Variants in C3 observed in about 807,000 individuals in gnomAD.
The protein encoded by C3 is C3 and PZP-like alpha-2-macroglobulin domain-containing protein 1.
A neutral mutation model predicts 207.9 loss-of-function variants in C3; 97 were observed. The ratio of observed to expected loss-of-function variants is 0.47; its 90% CI spans 0.40 to 0.55. The LOEUF is 0.55. C3 is among the 20% of genes least tolerant of loss of function. C3 has a pLI of 0.00. For synonymous variants in C3, 848 were observed against 857.6 expected, an observed-to-expected ratio of 0.99 and a Z score of 0.20; for missense variants, 1,684 against 2,171.7, an observed-to-expected ratio of 0.78 and a Z score of 4.46.
intron 26 of C3, among the ~76,000 whole-genome samples, chr19:6,692,658 C>T (rs1031545032): frequency 2.0e-5 from 3 of 152,146 alleles, no homozygotes; most frequent in Non-Finnish European, 2.9e-5. Context: ...AGGCAGGACC[C>T]CTGCACTTGG....
intron 17 of C3, among the ~76,000 whole-genome samples, chr19:6,704,746 G>A (rs1252583918): frequency 1.3e-5 from 2 of 151,802 alleles, no homozygotes; most frequent in African/African-American, 2.4e-5. Context: ...GTGACAGAGC[G>A]AGACTCCATC....
rs974108025 is a variant in C3, at chr19:6,719,089, T to A, written c.267+122A>T. On this transcript the variant is annotated intron_variant, in intron 2 of 40. Transcript: ENST00000245907. This position sits in a 1 kb window ranked among gnomAD's most constrained non-coding sequence, Gnocchi z 5.4. ...AGAAGGAGAGGCGACTCCGAAGGGG[T>A]GGAGTCTCAGGGAAGGGCAGGGCTT... The A allele has an allele frequency of 2.5e-6, 2 of 798,364 alleles. No homozygotes were observed. Among genetic ancestry groups the A allele is most frequent in the Admixed American group, 2.1e-5 (1 of 47,218 alleles). The allele number at this position is 798,364 out of a possible 1,614,324, so 49.5% of individuals were successfully genotyped here.
intron 17 of C3, among the ~76,000 whole-genome samples, chr19:6,706,027 C>T (rs79498579): frequency 5.9e-5 from 9 of 152,178 alleles, no homozygotes; most frequent in African/African-American, 2.2e-4. Context: ...AGACTTATTT[C>T]ACGTGAGATC....
rs1599494997 is a variant in C3, at chr19:6,677,736, G to A, written c.*146C>T. 6 of 993,998 alleles carry A rather than the reference G, an allele frequency of 6.0e-6. No individual in the cohort carries two copies. The East Asian group carries it at 1.3e-4, about 21-fold the overall frequency. The allele number at this position is 993,998 out of a possible 1,614,324, so 61.6% of individuals were successfully genotyped here. A position where few individuals can be genotyped will look rare whatever the true frequency, so the allele number is the denominator to read the frequency against. On this transcript the variant is annotated 3_prime_UTR_variant, in exon 41 of 41. Transcript: ENST00000245907. ...GCAGGCGAACGCCAGGAGAAAATGCGGTGGGAACAGGTGAGGTTTCAAGTA... is the reference window on the plus strand; with the variant it reads ...GCAGGCGAACGCCAGGAGAAAATGCAGTGGGAACAGGTGAGGTTTCAAGTA...
At chr19:6,701,624 A>G (rs392690) in intron 19 of C3, among the ~76,000 whole-genome samples, 100,199 of 151,976 alleles carry the variant, frequency 0.66, 33,388 homozygotes, top group East Asian at 0.84. Context: ...GGGTTCAACC[A>G]AATCTCCTGC....
chr19:6,710,779 C>T lies in C3; in HGVS notation c.1546G>A (p.Val516Met). The T allele has an allele frequency of 6.2e-7, 1 of 1,613,894 alleles. No individual in the cohort carries two copies. The change falls in exon 13 of 41, where the codon GTG (valine) becomes ATG (methionine). Residue 516 changes from valine to methionine, a missense_variant. This residue lies in a region of C3 where 1,280 missense variants were observed against 1,739.1 expected (regional missense o/e 0.74). Coordinates refer to ENST00000245907, the MANE Select transcript of C3 (RefSeq NM_000064.4). ...QVREPGQDLV[V>M]LPLSITTDFI... The stretch of plus-strand genomic sequence containing the variant: ...TCGGTGGTGATGGACAGGGGCAGCA[C>T]CACCAGGTCCTGGCCGGGCTCTCGC...
At chr19:6,720,017 C>A (rs1224016441) in intron 1 of C3, among the ~76,000 whole-genome samples, 1 of 152,166 alleles carries the variant, frequency 6.6e-6, no homozygotes, top group African/African-American at 2.4e-5. Flanking sequence ...AGTCCCCAAG[C>A]TGCAAACTCC....
chr19:6,689,323 A>T lies in C3; in HGVS notation c.3489+1306T>A, dbSNP rs113355813. Among the ~76,000 whole-genome samples, 19 of 31,034 alleles carry T rather than the reference A, an allele frequency of 6.1e-4. No homozygotes were observed. The East Asian group carries it at 7.4e-3, about 12-fold the overall frequency. The allele number at this position is 31,034 out of a possible 152,430, so 20.4% of individuals were successfully genotyped here. A position where few individuals can be genotyped will look rare whatever the true frequency, so the allele number is the denominator to read the frequency against. On this transcript the variant is annotated intron_variant, in intron 27 of 40. Transcript: ENST00000245907. ...CCTCTCTCTCTCTCTCTCTCTCTCT[A>T]CCTACCTCCCTCCCTCCCTCCCTCC...
intron 17 of C3, 168 bp from the exon 18 acceptor site, chr19:6,702,747 A>C: frequency 1.6e-6 from 1 of 621,330 alleles, no homozygotes; most frequent in Non-Finnish European, 3.0e-6. Context: ...AAATACAAAA[A>C]TTAAGGCTGG....
chr19:6,720,337 C>T (rs551882176), intron 1 of C3, among the ~76,000 whole-genome samples, 179 bp downstream of exon 1: 1 of 151,762 alleles, frequency 6.6e-6, no homozygotes, highest in Admixed American at 6.6e-5. Flanking sequence ...CCACAAACAC[C>T]CAACCACAAA....
intron 33 of C3, among the ~76,000 whole-genome samples, chr19:6,684,040 A>G (rs1917934578): frequency 6.6e-6 from 1 of 152,230 alleles, no homozygotes; most frequent in Admixed American, 6.5e-5. Flanking sequence ...TTGAGGTTAC[A>G]GTGAGCTATG....
At chr19:6,682,076 C>G (rs753899226) in intron 34 of C3, 46 bp from the exon 35 acceptor site, 1 of 1,603,218 alleles carries the variant, frequency 6.2e-7, no homozygotes, top group Admixed American at 1.7e-5. Context: ...GGACCCCTCT[C>G]TCCCTGCAGC....
chr19:6,679,400 A>T lies in C3; in HGVS notation c.4546+7T>A. On this transcript the variant is annotated splice_region_variant and intron_variant, in intron 37 of 40. Coordinates refer to ENST00000245907, the MANE Select transcript of C3 (RefSeq NM_000064.4). ...GACCCACCTGTTCCCGGCTCCAGGG[A>T]ACTCACCCTCAGCACAGCGGCACAG... is the stretch of plus-strand genomic sequence containing the variant. The T allele has an allele frequency of 6.2e-7, 1 of 1,609,752 alleles. No individual in the cohort carries two copies.
chr19:6,713,270 G>A lies in C3; in HGVS notation c.922C>T (p.Leu308=), dbSNP rs766965984. Residue 308 remains leucine (L), a synonymous_variant, in exon 9 of 41, where the codon CTG becomes TTG. Coordinates refer to ENST00000245907, the MANE Select transcript of C3 (RefSeq NM_000064.4). The part of the protein sequence containing the change: ...GEVVLSRKVL[L]DGVQNPRAED... ...GCTCGGGGGTTCTGCACCCCGTCCA[G>A]CAGTACCTTCCGGCTCAGCACAACC... is the stretch of plus-strand genomic sequence containing the variant. The A allele has an allele frequency of 6.2e-7, 1 of 1,613,728 alleles. No individual in the cohort carries two copies. The highest frequency in any genetic ancestry group is 1.1e-5 in the South Asian group (1 of 91,080).
intron 26 of C3, among the ~76,000 whole-genome samples, chr19:6,692,072 T>C (rs937195571): frequency 6.6e-6 from 1 of 151,812 alleles, no homozygotes; most frequent in Non-Finnish European, 1.5e-5. Context: ...GCCCCTAGAA[T>C]TTCTGATTCA....
At chr19:6,714,482 T>A (rs1422613763) in intron 4 of C3, 36 bp from the exon 5 acceptor site, 6 of 1,505,056 alleles carry the variant, frequency 4.0e-6, no homozygotes, top group South Asian at 2.3e-5. Flanking sequence ...GAGGATAAAG[T>A]GGCTCTTCGG....
intron 26 of C3, among the ~76,000 whole-genome samples, chr19:6,691,122 C>T (rs995472427): frequency 3.4e-5 from 5 of 148,476 alleles, no homozygotes; most frequent in Middle Eastern, 3.2e-3. Context: ...GGCGCAATCT[C>T]GACTCCCTGC....
At chr19:6,689,356 CCTCCCTCTCTCTCT>C (rs1274357442) in intron 27 of C3, among the ~76,000 whole-genome samples, 1 of 47,176 alleles carries the variant, frequency 2.1e-5, no homozygotes, top group Non-Finnish European at 3.9e-5. Flanking sequence ...TCCCTCCCTC[CCTCCCTCTCTCTCT>C]CTCTCTCTCT....
At chr19:6,679,077 G>T in intron 38 of C3, 48 bp downstream of exon 38, 1 of 1,426,172 alleles carries the variant, frequency 7.0e-7, no homozygotes, top group Non-Finnish European at 9.9e-7. Flanking sequence ...CCACACAATT[G>T]GACACACACA....
Sources: gnomAD v4.1 joint callset for allele counts (sites outside exome capture counted in the v4.1 genomes callset) on GRCh38, gnomAD v4.1.1 for gene constraint, gnomAD v4.1.1 regional missense constraint, Gnocchi (gnomAD v3.1) non-coding constraint, MANE v1.5 for transcripts, NCBI Gene and HGNC (gene_info 2026-07-23, HGNC 2026-07-21) for gene names.